Variants in HTR2C observed in about 807,000 individuals in gnomAD.
HTR2C encodes the protein 5-hydroxytryptamine receptor 2C, also known as 5-hydroxytryptamine (serotonin) receptor 2C, G protein-coupled.
HTR2C carries 5 observed loss-of-function variants against 21.0 expected under a neutral mutation model. The observed-to-expected ratio is 0.24, with a 90% CI of 0.12 to 0.50. The LOEUF is 0.50. Among genes scored for constraint, HTR2C ranks in the 20% least tolerant of loss-of-function variants. HTR2C has a pLI of 0.98. For synonymous variants in HTR2C, 150 were observed against 145.3 expected, an observed-to-expected ratio of 1.03 and a Z score of -0.23; for missense variants, 271 against 371.2, an observed-to-expected ratio of 0.73 and a Z score of 2.22.
At chrX:114,805,628 TATATATACCATATATATAC>T (rs1569495513) in intron 4 of HTR2C, among the ~76,000 whole-genome samples, 339 of 15,041 alleles carry the variant, frequency 0.023, 55 homozygotes, top group African/African-American at 0.089. Context: ...ATATATACCA[TATATATACCATATATATAC>T]ACCATATATA....
At chrX:114,673,346 A>G (rs782488813) in intron 2 of HTR2C, among the ~76,000 whole-genome samples, 2 of 111,826 alleles carry the variant, frequency 1.8e-5, no homozygotes, top group Admixed American at 1.9e-4. Flanking sequence ...AATTAGATGT[A>G]TATGATATTA....
At chrX:114,720,160 T>C (rs185490395) in intron 2 of HTR2C, among the ~76,000 whole-genome samples, 2 of 111,114 alleles carry the variant, frequency 1.8e-5, no homozygotes, top group African/African-American at 6.5e-5. Context: ...TGGGACAGTA[T>C]TGGCCTGACT....
chrX:114,758,398 C>CA lies in HTR2C; in HGVS notation c.349+26799dup, dbSNP rs781964235. The stretch of plus-strand genomic sequence containing the variant: ...CAACATAGTTAGACCTCTATCTCTA[C>CA]AAAAAAAACCAAAAAAATAGCCAAG... On this transcript the variant is annotated intron_variant, in intron 4 of 5. Coordinates refer to ENST00000276198, the MANE Select transcript of HTR2C (RefSeq NM_000868.4). 3.0e-3 allele frequency among the ~76,000 whole-genome samples: 325 copies of CA among 107,355 alleles called. 1 individual carries two copies. Among genetic ancestry groups the CA allele is most frequent in the African/African-American group, 9.5e-3 (279 of 29,477 alleles). The allele number at this position is 107,355 out of a possible 115,157, so 93.2% of individuals were successfully genotyped here.
chrX:114,585,324 C>A (rs1927346065), intron 1 of HTR2C, among the ~76,000 whole-genome samples: 1 of 111,347 alleles, frequency 9.0e-6, no homozygotes, highest in Admixed American at 9.5e-5. Context: ...CTGGTGATCA[C>A]GTAAGCTTAA....
intron 5 of HTR2C, among the ~76,000 whole-genome samples, chrX:114,882,161 T>C (rs1049045500): frequency 3.6e-5 from 4 of 110,875 alleles, no homozygotes; most frequent in Non-Finnish European, 7.6e-5. Context: ...TCATTGCAAG[T>C]GTACAGAAAT....
intron 4 of HTR2C, among the ~76,000 whole-genome samples, chrX:114,843,699 A>C (rs1556466354): frequency 8.9e-6 from 1 of 111,915 alleles, no homozygotes; most frequent in African/African-American, 3.2e-5. Context: ...AACTCTTGAA[A>C]GGCAAAGAGA....
At position 114,895,384 on chromosome X, in the gene HTR2C, T is replaced by G. The variant is rs59922086; in HGVS notation, c.551-11205T>G. ...TCTTTTTAAAAATATCTGTAGGTTATGTAGTGATGTACTCTCTTTTATCTT... is the reference window on the plus strand; with the variant it reads ...TCTTTTTAAAAATATCTGTAGGTTAGGTAGTGATGTACTCTCTTTTATCTT... On this transcript the variant is annotated intron_variant, in intron 5 of 5. Transcript: ENST00000276198. Among the ~76,000 whole-genome samples, 812 of 111,770 alleles carry G rather than the reference T, an allele frequency of 7.3e-3. 11 individuals are homozygous for G. Among genetic ancestry groups the G allele is most frequent in the African/African-American group, 0.025 (763 of 30,792 alleles).
chrX:114,886,728 A>G (rs1053146113), intron 5 of HTR2C, among the ~76,000 whole-genome samples: 3 of 111,131 alleles, frequency 2.7e-5, no homozygotes, highest in African/African-American at 9.8e-5. Flanking sequence ...TTATTACTTT[A>G]TGTAATTTTA....
intron 5 of HTR2C, among the ~76,000 whole-genome samples, chrX:114,898,631 C>T (rs1556484597): frequency 8.9e-6 from 1 of 111,918 alleles, no homozygotes; most frequent in Non-Finnish European, 1.9e-5. Flanking sequence ...GTTCTCCAAG[C>T]ACAATTTATT....
intron 4 of HTR2C, among the ~76,000 whole-genome samples, chrX:114,841,228 C>A (rs1354366308): frequency 8.9e-6 from 1 of 112,088 alleles, no homozygotes; most frequent in Non-Finnish European, 1.9e-5. Flanking sequence ...AGATAATTCT[C>A]ACTAACAACT....
In HTR2C at chrX:114,609,541, A is replaced by G. The variant is rs961377241; in HGVS notation, c.-146-4274A>G. On this transcript the variant is annotated intron_variant, in intron 1 of 5. Coordinates refer to ENST00000276198, the MANE Select transcript of HTR2C (RefSeq NM_000868.4). ...ACCACGTTCGGTTGGACTTCTGACCATTGTTCCAAGCATCCACTCCATTAC... is the reference window on the plus strand; with the variant it reads ...ACCACGTTCGGTTGGACTTCTGACCGTTGTTCCAAGCATCCACTCCATTAC... Among the ~76,000 whole-genome samples the G allele has an allele frequency of 6.3e-5, 7 of 111,425 alleles. 1 individual carries two copies. The Admixed American group carries it at 6.7e-4, about 11-fold the overall frequency.
At chrX:114,701,828 T>A (rs1173928895) in intron 2 of HTR2C, among the ~76,000 whole-genome samples, 5 of 111,662 alleles carry the variant, frequency 4.5e-5, no homozygotes, top group Non-Finnish European at 7.5e-5. Flanking sequence ...TTTAGACGAA[T>A]GTATAACTAG....
intron 4 of HTR2C, among the ~76,000 whole-genome samples, chrX:114,821,878 CT>C (rs782532204): frequency 0.024 from 2,215 of 93,874 alleles, 54 homozygotes; most frequent in African/African-American, 0.078. Flanking sequence ...ACTAAATATC[CT>C]TTTTTTTTTT....
chrX:114,875,821 TATG>T (rs2147514228), intron 5 of HTR2C, among the ~76,000 whole-genome samples: 1 of 105,552 alleles, frequency 9.5e-6, no homozygotes, highest in Admixed American at 1.1e-4. Context: ...AATAAAGACA[TATG>T]ATGCCTCCAT....
At chrX:114,841,076 T>A (rs782795031) in intron 4 of HTR2C, among the ~76,000 whole-genome samples, 2 of 112,089 alleles carry the variant, frequency 1.8e-5, no homozygotes, top group Non-Finnish European at 1.9e-5. Context: ...AGGATGCTGG[T>A]TAACCTTCCA....
At chrX:114,890,985 T>C (rs1556482694) in intron 5 of HTR2C, among the ~76,000 whole-genome samples, 4 of 111,581 alleles carry the variant, frequency 3.6e-5, no homozygotes, top group Non-Finnish European at 7.5e-5. Flanking sequence ...CTTAGTATTA[T>C]CTCATAAGTC....
intron 4 of HTR2C, among the ~76,000 whole-genome samples, chrX:114,782,790 A>G (rs1383290922): frequency 8.9e-6 from 1 of 111,888 alleles, no homozygotes; most frequent in Non-Finnish European, 1.9e-5. Flanking sequence ...GGCAAGAATA[A>G]CATAATTCAA....
At chrX:114,598,771 T>A (rs1927966485) in intron 1 of HTR2C, among the ~76,000 whole-genome samples, 1 of 111,469 alleles carries the variant, frequency 9.0e-6, no homozygotes. Flanking sequence ...ATGAAAATAA[T>A]AACACATTAA....
At chrX:114,838,987 C>A (rs896507177) in intron 4 of HTR2C, among the ~76,000 whole-genome samples, 22 of 112,076 alleles carry the variant, frequency 2.0e-4, no homozygotes, top group South Asian at 3.7e-4. Flanking sequence ...AAGGAGAATA[C>A]AAAAACCCTC....
Sources: gnomAD v4.1 joint callset for allele counts (sites outside exome capture counted in the v4.1 genomes callset) on GRCh38, gnomAD v4.1.1 for gene constraint, MANE v1.5 for transcripts, NCBI Gene and HGNC (gene_info 2026-07-23, HGNC 2026-07-21) for gene names.